Variants in CAST observed in about 807,000 individuals in gnomAD.
CAST encodes calpastatin.
A neutral mutation model predicts 119.6 loss-of-function variants in CAST; 76 were observed. The observed-to-expected ratio is 0.64, with a 90% CI of 0.53 to 0.77. The LOEUF (loss-of-function observed/expected upper bound fraction) is 0.77. CAST is among the 30% of genes least tolerant of loss of function. The pLI is 0.00. For missense variants in CAST, 953 were observed against 946.5 expected (o/e 1.01, Z -0.09); for synonymous variants, 319 against 331.6 (o/e 0.96, Z 0.41).
the CAST span, among the ~76,000 whole-genome samples, chr5:96,078,534 C>T: frequency 6.6e-6 from 1 of 152,032 alleles, no homozygotes; most frequent in Non-Finnish European, 1.5e-5. Context: ...GCTGGGATTA[C>T]AGGAATGTGC....
the CAST span, among the ~76,000 whole-genome samples, chr5:96,401,266 A>C: frequency 1.3e-3 from 199 of 152,252 alleles, 1 homozygote; most frequent in African/African-American, 4.5e-3. Context: ...GAAATATTTG[A>C]GCTGGACTTT....
intron 3 of CAST, among the ~76,000 whole-genome samples, chr5:96,712,773 T>C (rs1448303513): frequency 6.6e-6 from 1 of 152,236 alleles, no homozygotes; most frequent in Non-Finnish European, 1.5e-5. Flanking sequence ...CCCATTTTCA[T>C]GTTGGTTATT....
the CAST span, among the ~76,000 whole-genome samples, chr5:96,022,764 G>T: frequency 6.6e-6 from 1 of 152,144 alleles, no homozygotes; most frequent in African/African-American, 2.4e-5. Flanking sequence ...TCCAGAATTT[G>T]TAGGGCAGGT....
At chr5:96,489,307 C>T in the CAST span, among the ~76,000 whole-genome samples, 2 of 152,196 alleles carry the variant, frequency 1.3e-5, no homozygotes, top group Non-Finnish European at 2.9e-5. Context: ...GTAACTTGGG[C>T]TGGCATCTTC....
In CAST at chr5:96,760,324, CAAAT is replaced by C. The variant is rs368566341; in HGVS notation, c.1834-1947_1834-1944del. ...ATTGTAGTGGTATATCAAATAGAAACAAATAATCATGTCCATGTAAAAGATCTAT... is the reference window on the plus strand; with the variant it reads ...ATTGTAGTGGTATATCAAATAGAAACAATCATGTCCATGTAAAAGATCTAT... On this transcript the variant is annotated intron_variant, in intron 24 of 31. Coordinates refer to ENST00000675179, the MANE Select transcript of CAST (RefSeq NM_001750.7). Among the ~76,000 whole-genome samples, 634 of 151,908 alleles carry C rather than the reference CAAAT, an allele frequency of 4.2e-3. 3 individuals carry two copies. The highest frequency in any genetic ancestry group is 0.015 in the African/African-American group (603 of 41,482).
At chr5:96,411,153 G>A in the CAST span, among the ~76,000 whole-genome samples, 1 of 152,184 alleles carries the variant, frequency 6.6e-6, no homozygotes, top group South Asian at 2.1e-4. Flanking sequence ...ATCTCACAAG[G>A]CTGTGTATTA....
At chr5:96,359,467 G>T in the CAST span, among the ~76,000 whole-genome samples, 1 of 152,188 alleles carries the variant, frequency 6.6e-6, no homozygotes, top group Admixed American at 6.5e-5. Flanking sequence ...GCAGTGGCTG[G>T]TACCTGTTTT....
chr5:96,113,655 C>T, the CAST span, among the ~76,000 whole-genome samples: 1 of 152,252 alleles, frequency 6.6e-6, no homozygotes, highest in Non-Finnish European at 1.5e-5. Flanking sequence ...TTGCCTGGTG[C>T]CAGGGAGCTG....
chr5:95,975,454 T>C, the CAST span, among the ~76,000 whole-genome samples: 2 of 152,300 alleles, frequency 1.3e-5, no homozygotes, highest in South Asian at 4.1e-4. Context: ...GCACCCTGAC[T>C]CGTTTCTCAA....
chr5:96,162,762 C>T, the CAST span, among the ~76,000 whole-genome samples: 1 of 152,230 alleles, frequency 6.6e-6, no homozygotes, highest in East Asian at 1.9e-4. Context: ...GATAGTTTAT[C>T]ATGGTGTATA....
At chr5:96,496,330 C>T in the CAST span, among the ~76,000 whole-genome samples, 3 of 152,194 alleles carry the variant, frequency 2.0e-5, no homozygotes, top group African/African-American at 7.2e-5. Context: ...TTTCTTATTG[C>T]ACAGGGGTAG....
At chr5:96,651,635 CTCTT>C (rs1381614613) in intron 1 of CAST, among the ~76,000 whole-genome samples, 4 of 152,216 alleles carry the variant, frequency 2.6e-5, no homozygotes, top group Non-Finnish European at 5.9e-5. Context: ...ACCCATCTCT[CTCTT>C]TTCAGCCCAT....
chr5:96,400,169 C>T, the CAST span: 2 of 1,613,930 alleles, frequency 1.2e-6, no homozygotes, highest in Non-Finnish European at 1.7e-6. Context: ...CTGCATATCT[C>T]GCCAGGTGAG....
the CAST span, among the ~76,000 whole-genome samples, chr5:96,183,745 G>A: frequency 6.6e-6 from 1 of 152,254 alleles, no homozygotes; most frequent in East Asian, 1.9e-4. Context: ...TCTGTAAAAT[G>A]ATACAATGGG....
the CAST span, among the ~76,000 whole-genome samples, chr5:96,183,150 AAAAT>A: frequency 9.5e-6 from 1 of 105,758 alleles, no homozygotes; most frequent in Non-Finnish European, 1.9e-5. Context: ...CAAAAGAAAA[AAAAT>A]AAATAAAATA....
chr5:96,047,312 T>G, the CAST span, among the ~76,000 whole-genome samples: 1 of 152,204 alleles, frequency 6.6e-6, no homozygotes, highest in South Asian at 2.1e-4. Flanking sequence ...GAGATTTTGC[T>G]TTAGGTTAGA....
the CAST span, among the ~76,000 whole-genome samples, chr5:96,301,517 C>G: frequency 6.6e-6 from 1 of 152,148 alleles, no homozygotes; most frequent in Non-Finnish European, 1.5e-5. Flanking sequence ...CAAGGCAAGT[C>G]TCTTCCACCT....
chr5:96,590,337 C>A (rs1746941059), intron 1 of CAST, among the ~76,000 whole-genome samples: 1 of 152,170 alleles, frequency 6.6e-6, no homozygotes. Context: ...CTTGGAAGGG[C>A]TAAATATTCT....
At chr5:96,233,495 CA>C in the CAST span, among the ~76,000 whole-genome samples, 1 of 152,032 alleles carries the variant, frequency 6.6e-6, no homozygotes, top group African/African-American at 2.4e-5. Flanking sequence ...AATTGATTCA[CA>C]GAACAGAACA....
Sources: gnomAD v4.1 joint callset for allele counts (sites outside exome capture counted in the v4.1 genomes callset) on GRCh38, gnomAD v4.1.1 for gene constraint, MANE v1.5 for transcripts, NCBI Gene and HGNC (gene_info 2026-07-23, HGNC 2026-07-21) for gene names.